EXOC6B: variants seen among roughly 807,000 people sequenced by gnomAD.
EXOC6B encodes exocyst complex component 6B.
EXOC6B carries 54 observed loss-of-function variants against 113.5 expected under a neutral mutation model. The observed-to-expected ratio is 0.48, with a 90% CI of 0.38 to 0.60. EXOC6B has a LOEUF of 0.60. Among genes scored for constraint, EXOC6B ranks in the 20% least tolerant of loss-of-function variants. EXOC6B has a pLI of 0.00. For missense variants in EXOC6B, 797 were observed against 977.5 expected, an observed-to-expected ratio of 0.82 and a Z score of 2.46; for synonymous variants, 357 against 339.0, an observed-to-expected ratio of 1.05 and a Z score of -0.58.
intron 20 of EXOC6B, among the ~76,000 whole-genome samples, chr2:72,249,457 G>C (rs1180142453): frequency 1.3e-5 from 2 of 151,672 alleles, no homozygotes; most frequent in African/African-American, 2.4e-5. Context: ...GGGTTTCACC[G>C]TGTTAGCCAG....
chr2:72,491,833 A>G (rs1699760610), intron 16 of EXOC6B, among the ~76,000 whole-genome samples: 1 of 152,188 alleles, frequency 6.6e-6, no homozygotes, highest in African/African-American at 2.4e-5. Context: ...GCTGATAAAG[A>G]GTAATTTACC....
At chr2:72,341,916 T>A (rs1211144815) in intron 19 of EXOC6B, among the ~76,000 whole-genome samples, 1 of 152,030 alleles carries the variant, frequency 6.6e-6, no homozygotes, top group Admixed American at 6.6e-5. Flanking sequence ...TAATGGTATA[T>A]AAAACCAGAA....
intron 6 of EXOC6B, among the ~76,000 whole-genome samples, chr2:72,688,305 C>T (rs377095933): frequency 6.6e-6 from 1 of 151,866 alleles, no homozygotes; most frequent in Non-Finnish European, 1.5e-5. Flanking sequence ...GGAGAGGACC[C>T]CAGAAAGGAT....
chr2:72,591,001 T>A (rs1429148850), intron 6 of EXOC6B, among the ~76,000 whole-genome samples: 1 of 151,938 alleles, frequency 6.6e-6, no homozygotes, highest in Non-Finnish European at 1.5e-5. Context: ...CTGTAAAAAG[T>A]GCCATAGAAA....
At chr2:72,554,546 A>G (rs1264051078) in intron 8 of EXOC6B, among the ~76,000 whole-genome samples, 1 of 152,118 alleles carries the variant, frequency 6.6e-6, no homozygotes, top group Non-Finnish European at 1.5e-5. Flanking sequence ...CTTTCCTGCC[A>G]CCTTGTGAAG....
In EXOC6B at chr2:72,495,348, C is replaced by CA. The variant is rs569867451; in HGVS notation, c.1553+81_1553+82insT. ...ATTTCCAAAATCAGGGCTGACGGGA[C>CA]TATCAAAAGTTTTTCAGAATATGTA... is the stretch of plus-strand genomic sequence containing the variant. On this transcript the variant is annotated intron_variant, in intron 15 of 21. Coordinates refer to ENST00000272427, the MANE Select transcript of EXOC6B (RefSeq NM_015189.3). 101 of 711,066 alleles carry CA rather than the reference C, an allele frequency of 1.4e-4. 1 individual carries two copies. The South Asian group carries it at 2.1e-3, about 15-fold the overall frequency. 44.0% of individuals were successfully genotyped at this position (711,066 alleles called of 1,614,324 possible). A position where few individuals can be genotyped will look rare whatever the true frequency, so the allele number is the denominator to read the frequency against.
At chr2:72,295,996 C>T (rs1686111003) in intron 20 of EXOC6B, among the ~76,000 whole-genome samples, 1 of 151,990 alleles carries the variant, frequency 6.6e-6, no homozygotes, top group African/African-American at 2.4e-5. Context: ...ACAAGGACAT[C>T]CCCTTAAAGA....
intron 20 of EXOC6B, among the ~76,000 whole-genome samples, chr2:72,251,470 C>A (rs916349399): frequency 3.7e-4 from 56 of 152,258 alleles, no homozygotes; most frequent in African/African-American, 1.3e-3. Flanking sequence ...CACTGTTATT[C>A]ACGTGAAACT....
intron 6 of EXOC6B, among the ~76,000 whole-genome samples, chr2:72,677,373 TA>T (rs1380719133): frequency 1.3e-5 from 2 of 151,938 alleles, no homozygotes; most frequent in African/African-American, 4.8e-5. Flanking sequence ...TTTATTTTTA[TA>T]TTTAAAAAAA....
chr2:72,237,644 C>T (rs1372722767), intron 20 of EXOC6B, among the ~76,000 whole-genome samples: 1 of 152,210 alleles, frequency 6.6e-6, no homozygotes, highest in East Asian at 1.9e-4. Flanking sequence ...CACCCCCTGC[C>T]TGACCTCTGA....
At position 72,809,279 on chromosome 2, in the gene EXOC6B, G is replaced by C. The variant is rs144615631; in HGVS notation, c.113+16519C>G. ...GTTTAAATACACCAATTAAAAGATA[G>C]AGATCAACAAAGTGGATTTTATAAA... is the stretch of plus-strand genomic sequence containing the variant. On this transcript the variant is annotated intron_variant, in intron 1 of 21. Transcript: ENST00000272427. Among the ~76,000 whole-genome samples, 586 of 152,102 alleles carry C rather than the reference G, an allele frequency of 3.9e-3. 8 individuals are homozygous for C. Among genetic ancestry groups the C allele is most frequent in the African/African-American group, 0.013 (560 of 41,506 alleles).
At chr2:72,314,691 C>G (rs1172083940) in intron 20 of EXOC6B, among the ~76,000 whole-genome samples, 1 of 152,182 alleles carries the variant, frequency 6.6e-6, no homozygotes, top group Non-Finnish European at 1.5e-5. Flanking sequence ...ATATGTACAA[C>G]AAACTTTAAA....
chr2:72,412,071 A>C (rs1212259821), intron 18 of EXOC6B, among the ~76,000 whole-genome samples: 1 of 152,210 alleles, frequency 6.6e-6, no homozygotes, highest in Non-Finnish European at 1.5e-5. Flanking sequence ...TTTAAAAATT[A>C]ATGAATGGCA....
chr2:72,553,840 T>C (rs1237700137), intron 8 of EXOC6B, among the ~76,000 whole-genome samples: 1 of 152,168 alleles, frequency 6.6e-6, no homozygotes, highest in Non-Finnish European at 1.5e-5. Flanking sequence ...GAACAGGATC[T>C]AGTTTGAGGC....
At chr2:72,707,363 T>G (rs548351850) in intron 6 of EXOC6B, among the ~76,000 whole-genome samples, 3 of 152,190 alleles carry the variant, frequency 2.0e-5, no homozygotes, top group African/African-American at 7.2e-5. Context: ...TCCATGGCAC[T>G]TATCATTTTC....
At chr2:72,757,522 C>T (rs1194732146) in intron 1 of EXOC6B, among the ~76,000 whole-genome samples, 4 of 152,148 alleles carry the variant, frequency 2.6e-5, no homozygotes, top group Non-Finnish European at 5.9e-5. Flanking sequence ...GCAATGTGTC[C>T]CTGAGACCAA....
intron 19 of EXOC6B, among the ~76,000 whole-genome samples, chr2:72,362,442 G>T (rs1442826951): frequency 1.3e-5 from 2 of 151,646 alleles, no homozygotes; most frequent in Non-Finnish European, 2.9e-5. Context: ...AACACATAAA[G>T]GCATATACAT....
chr2:72,587,547 C>T (rs1705668092), intron 6 of EXOC6B, among the ~76,000 whole-genome samples: 1 of 152,056 alleles, frequency 6.6e-6, no homozygotes, highest in South Asian at 2.1e-4. Flanking sequence ...CACGTGGCCA[C>T]ATGAAACTAA....
intron 6 of EXOC6B, 43 bp downstream of exon 6, chr2:72,718,060 C>T: frequency 6.8e-7 from 1 of 1,478,190 alleles, no homozygotes; most frequent in Non-Finnish European, 9.2e-7. Flanking sequence ...TAACTCAATA[C>T]TGATAAAGCC....
Sources: gnomAD v4.1 joint callset for allele counts (sites outside exome capture counted in the v4.1 genomes callset) on GRCh38, gnomAD v4.1.1 for gene constraint, MANE v1.5 for transcripts, NCBI Gene and HGNC (gene_info 2026-07-23, HGNC 2026-07-21) for gene names.